TAX1BP1: variants seen among roughly 807,000 people sequenced by gnomAD.
TAX1BP1 encodes the protein tax1-binding protein 1.
TAX1BP1 carries 62 observed loss-of-function variants against 97.7 expected under a neutral mutation model. That is an observed-to-expected ratio of 0.63 (90% CI 0.52 to 0.78). The LOEUF (loss-of-function observed/expected upper bound fraction) is 0.78, where lower values mean the gene tolerates loss of function less well. Among genes scored for constraint, TAX1BP1 ranks in the 30% least tolerant of loss-of-function variants. The pLI is 0.00. For missense variants in TAX1BP1, 867 were observed against 916.1 expected, an observed-to-expected ratio of 0.95 and a Z score of 0.69; for synonymous variants, 340 against 304.2, an observed-to-expected ratio of 1.12 and a Z score of -1.23.
At position 27,758,058 on chromosome 7, in the gene TAX1BP1, T is replaced by C; in HGVS notation, c.190T>C (p.Tyr64His). ...TGGATGGAGTACTGCTCGTGATTAT[T>C]ACACGTTTTTATGGTCCCCTATGCC... Reference protein sequence around the residue: ...KVGWSTARDYYTFLWSPMPEH... With the variant: ...KVGWSTARDYHTFLWSPMPEH... Residue 64 changes from tyrosine (Y) to histidine (H), a missense_variant, in exon 3 of 17, where the codon TAC becomes CAC. By Grantham distance (83) the Tyr-to-His change is moderately conservative. Transcript: ENST00000396319. 6.2e-7 allele frequency: 1 copy of C among 1,612,234 alleles called. No homozygotes were observed. The highest frequency in any genetic ancestry group is 1.1e-5 in the South Asian group (1 of 90,844).
intron 1 of TAX1BP1, among the ~76,000 whole-genome samples, chr7:27,743,453 T>A (rs1375171163): frequency 6.6e-6 from 1 of 152,244 alleles, no homozygotes; most frequent in African/African-American, 2.4e-5. Context: ...TGAAAAACTT[T>A]CAGTAACTCT....
In TAX1BP1 at chr7:27,798,663, CAAAAAAAAA is replaced by C. The variant is rs34078205; in HGVS notation, c.1639-1292_1639-1284del. Among the ~76,000 whole-genome samples, 15 of 72,306 alleles carry C rather than the reference CAAAAAAAAA, an allele frequency of 2.1e-4. No individual in the cohort carries two copies. In the Admixed American group the frequency reaches 2.5e-3, roughly 12 times the overall value. The allele number at this position is 72,306 out of a possible 152,430, so 47.4% of individuals were successfully genotyped here. Reference sequence around the variant, plus strand: ...TGGGTGACAGAGTGAGACTCTGTCTCAAAAAAAAAAAAAAAAAAGAAATTACCAAACTGT... The same window carrying C: ...TGGGTGACAGAGTGAGACTCTGTCTCAAAAAAAAAGAAATTACCAAACTGT... On this transcript the variant is annotated intron_variant, in intron 12 of 16. Coordinates refer to ENST00000396319, the MANE Select transcript of TAX1BP1 (RefSeq NM_006024.7).
rs374567926 is a variant in TAX1BP1, at chr7:27,758,111, C to G, written c.243C>G (p.Val81=). 7 of 1,610,884 alleles carry G rather than the reference C, an allele frequency of 4.3e-6. No homozygotes were observed. The Admixed American group carries it at 1.2e-4, about 27-fold the overall frequency. Residue 81 remains valine, a synonymous_variant, in exon 3 of 17, where the codon GTC becomes GTG. Coordinates refer to ENST00000396319, the MANE Select transcript of TAX1BP1 (RefSeq NM_006024.7). ...MPEHYVEGST[V]NCVLAFQGYY... ...AACATTATGTGGAAGGATCAACAGTCAATTGTGTACTAGCATTCCAAGGTA... is the reference window on the plus strand; with the variant it reads ...AACATTATGTGGAAGGATCAACAGTGAATTGTGTACTAGCATTCCAAGGTA...
intron 8 of TAX1BP1, among the ~76,000 whole-genome samples, 163 bp from the exon 9 acceptor site, chr7:27,791,843 A>C (rs551881313): frequency 6.6e-5 from 10 of 152,200 alleles, no homozygotes; most frequent in Non-Finnish European, 1.5e-4. Flanking sequence ...ACCTAAAACA[A>C]AGTTACTTCT....
Position 27,748,616 on chromosome 7 carries a change from A to C in TAX1BP1, c.92A>C (p.His31Pro), listed in dbSNP as rs1583664662. 1 of 1,604,330 alleles carries C rather than the reference A, an allele frequency of 6.2e-7. No individual in the cohort carries two copies. The highest frequency in any genetic ancestry group is 2.2e-5 in the East Asian group (1 of 44,570). The stretch of plus-strand genomic sequence containing the variant: ...GCCAAGAGTTACCTTCCTAATGCAC[A>C]CCTGGAATGTCATTACACCTTAACT... ...NVAKSYLPNA[H>P]LECHYTLTPY... The change falls in exon 2 of 17, where the codon CAC becomes CCC. Residue 31 changes from histidine (H) to proline (P), a missense_variant. By Grantham distance (77) the His-to-Pro change is moderately conservative. This residue lies in a region of TAX1BP1 where 822 missense variants were observed against 851.4 expected (regional missense o/e 0.97). Coordinates refer to ENST00000396319, the MANE Select transcript of TAX1BP1 (RefSeq NM_006024.7).
intron 8 of TAX1BP1, 137 bp from the exon 9 acceptor site, chr7:27,791,869 C>T: frequency 1.4e-6 from 1 of 717,890 alleles, no homozygotes; most frequent in Non-Finnish European, 2.3e-6. Context: ...TTTTTGTAGG[C>T]ATATACTCTG....
At chr7:27,804,813 A>G (rs1283988960) in intron 13 of TAX1BP1, among the ~76,000 whole-genome samples, 3 of 152,190 alleles carry the variant, frequency 2.0e-5, no homozygotes, top group Non-Finnish European at 4.4e-5. Flanking sequence ...TCTCAGCACT[A>G]CTATATTCTG....
chr7:27,812,256 C>T (rs2128323672), intron 13 of TAX1BP1, among the ~76,000 whole-genome samples: 1 of 152,272 alleles, frequency 6.6e-6, no homozygotes, highest in Non-Finnish European at 1.5e-5. Flanking sequence ...ACTAGTGATG[C>T]TGAGCATCTT....
At chr7:27,770,808 G>A (rs1788816707) in intron 5 of TAX1BP1, among the ~76,000 whole-genome samples, 1 of 151,934 alleles carries the variant, frequency 6.6e-6, no homozygotes, top group African/African-American at 2.4e-5. Flanking sequence ...TGAGTTAGAG[G>A]GTAAACATAA....
At position 27,792,198 on chromosome 7, in the gene TAX1BP1, G is replaced by C; in HGVS notation, c.1231G>C (p.Glu411Gln). Residue 411 changes from glutamate (E) to glutamine (Q), a missense_variant, in exon 9 of 17, where the codon GAA becomes CAA. Physicochemically the swap from Glu to Gln is conservative, Grantham distance 29. This residue lies in a region of TAX1BP1 where 822 missense variants were observed against 851.4 expected (regional missense o/e 0.97). Transcript: ENST00000396319. ...VKKQLADAVA[E>Q]LKLNAMKKDQ... Reference sequence around the variant, plus strand: ...AAAGCAGTTAGCTGATGCAGTGGCAGAACTTAAACTAAATGCTATGAAAAA... The same window carrying C: ...AAAGCAGTTAGCTGATGCAGTGGCACAACTTAAACTAAATGCTATGAAAAA... 1 of 1,613,014 alleles carries C rather than the reference G, an allele frequency of 6.2e-7. No homozygotes were observed. The highest frequency in any genetic ancestry group is 8.5e-7 in the Non-Finnish European group (1 of 1,179,548).
chr7:27,782,901 A>T (rs1047188848), intron 5 of TAX1BP1, among the ~76,000 whole-genome samples: 1 of 152,188 alleles, frequency 6.6e-6, no homozygotes, highest in Non-Finnish European at 1.5e-5. Flanking sequence ...ATTTTTTAAC[A>T]TGAGAATAAA....
chr7:27,801,281 G>A (rs1790130374), intron 13 of TAX1BP1, among the ~76,000 whole-genome samples: 1 of 149,202 alleles, frequency 6.7e-6, no homozygotes, highest in African/African-American at 2.5e-5. Flanking sequence ...ATTCTAAATG[G>A]TTTAAATATC....
At chr7:27,785,141 A>T in intron 5 of TAX1BP1, 22 bp from the exon 6 acceptor site, 1 of 1,579,256 alleles carries the variant, frequency 6.3e-7, no homozygotes, top group Non-Finnish European at 8.6e-7. Flanking sequence ...TTTTCTCAAA[A>T]TACCTTGTTG....
At chr7:27,752,354 A>C (rs184318549) in intron 2 of TAX1BP1, among the ~76,000 whole-genome samples, 12 of 152,328 alleles carry the variant, frequency 7.9e-5, no homozygotes, top group Middle Eastern at 3.4e-3. Context: ...ACTGTGGAAT[A>C]ATGTCATAGG....
At chr7:27,801,396 A>G (rs1405532906) in intron 13 of TAX1BP1, among the ~76,000 whole-genome samples, 1 of 152,114 alleles carries the variant, frequency 6.6e-6, no homozygotes, top group Non-Finnish European at 1.5e-5. Flanking sequence ...ACATTAGCTT[A>G]TTATTTCTGT....
intron 13 of TAX1BP1, chr7:27,803,110 T>C (rs1179237654): frequency 1.3e-6 from 2 of 1,544,962 alleles, no homozygotes; most frequent in East Asian, 2.5e-5. Flanking sequence ...TTTATTCAGC[T>C]TCAATTGGCA....
At chr7:27,790,415 G>A (rs1015529387) in intron 8 of TAX1BP1, among the ~76,000 whole-genome samples, 1 of 147,878 alleles carries the variant, frequency 6.8e-6, no homozygotes, top group Non-Finnish European at 1.5e-5. Flanking sequence ...GGAATTACTG[G>A]GTCAATGAGT....
chr7:27,827,838 T>C lies in TAX1BP1; in HGVS notation c.2168+18T>C. The C allele has an allele frequency of 6.2e-7, 1 of 1,609,236 alleles. No homozygotes were observed. The highest frequency in any genetic ancestry group is 1.1e-5 in the South Asian group (1 of 90,568). ...GATTCCAGGTAGTTTTCTTCTTTAC[T>C]TTGTAGAATTTGGGTTATATCGGCC... On this transcript the variant is annotated intron_variant, in intron 16 of 16. Transcript: ENST00000396319.
At chr7:27,818,978 C>T (rs991560532) in intron 15 of TAX1BP1, among the ~76,000 whole-genome samples, 2 of 152,120 alleles carry the variant, frequency 1.3e-5, no homozygotes, top group Non-Finnish European at 2.9e-5. Context: ...TTCATACTTT[C>T]TTAGTTCTAG....
Sources: gnomAD v4.1 joint callset for allele counts (sites outside exome capture counted in the v4.1 genomes callset) on GRCh38, gnomAD v4.1.1 for gene constraint, gnomAD v4.1.1 regional missense constraint, MANE v1.5 for transcripts, NCBI Gene and HGNC (gene_info 2026-07-23, HGNC 2026-07-21) for gene names.